NUSAP1: variants seen among roughly 807,000 people sequenced by gnomAD.
NUSAP1 encodes the protein nucleolar and spindle associated protein 1.
In NUSAP1, 32 loss-of-function variants were observed where a neutral mutation model predicts 52.8. The ratio of observed to expected loss-of-function variants is 0.61; its 90% confidence interval spans 0.46 to 0.81. NUSAP1 has a LOEUF of 0.81. NUSAP1 is among the 40% of genes least tolerant of loss of function. NUSAP1 has a pLI of 0.00. For synonymous variants in NUSAP1, 195 were observed against 183.1 expected (o/e 1.06, Z -0.52); for missense variants, 499 against 522.3 (o/e 0.96, Z 0.43).
intron 6 of NUSAP1, among the ~76,000 whole-genome samples, chr15:41,364,152 C>T (rs1479853061): frequency 6.6e-6 from 1 of 152,012 alleles, no homozygotes; most frequent in Non-Finnish European, 1.5e-5. Flanking sequence ...ATTTAATAAA[C>T]TGTATATAAC....
intron 7 of NUSAP1, among the ~76,000 whole-genome samples, chr15:41,368,728 C>CTTTTTTTTTTTTTTTTTTTTTTTTTATT (rs57501156): frequency 2.6e-5 from 2 of 77,942 alleles, no homozygotes; most frequent in African/African-American, 5.3e-5. Flanking sequence ...TTATTTTATT[C>CTTTTTTTTTTTTTTTTTTTTTTTTTATT]TTTTTTTTTT....
At chr15:41,335,441 T>C (rs2048084552) in intron 1 of NUSAP1, among the ~76,000 whole-genome samples, 1 of 140,002 alleles carries the variant, frequency 7.1e-6, no homozygotes, top group African/African-American at 2.6e-5. Flanking sequence ...ATACTATAAA[T>C]ATACTATATA....
intron 8 of NUSAP1, among the ~76,000 whole-genome samples, chr15:41,374,064 C>T (rs893651708): frequency 5.9e-5 from 9 of 152,200 alleles, no homozygotes; most frequent in African/African-American, 2.2e-4. Context: ...ATTTACAAAG[C>T]TGCTTAGCAA....
chr15:41,348,288 A>G (rs1320931426), intron 2 of NUSAP1, among the ~76,000 whole-genome samples: 1 of 152,208 alleles, frequency 6.6e-6, no homozygotes, highest in Non-Finnish European at 1.5e-5. Context: ...TGTGTTGGCC[A>G]GGCTGGTCTC....
chr15:41,378,816 C>T (rs1228553587), intron 10 of NUSAP1, among the ~76,000 whole-genome samples: 1 of 149,768 alleles, frequency 6.7e-6, no homozygotes, highest in Non-Finnish European at 1.5e-5. Context: ...CTCAAAATCA[C>T]ATAGTTTAGT....
At chr15:41,335,987 A>C (rs1051478022) in intron 1 of NUSAP1, among the ~76,000 whole-genome samples, 1 of 151,188 alleles carries the variant, frequency 6.6e-6, no homozygotes, top group Non-Finnish European at 1.5e-5. Context: ...ATGGCCGGGC[A>C]TGGTGGCTTG....
chr15:41,339,790 A>T (rs1027476687), intron 1 of NUSAP1, among the ~76,000 whole-genome samples: 27 of 148,914 alleles, frequency 1.8e-4, no homozygotes, highest in African/African-American at 6.2e-4. Context: ...CTATTTTTTT[A>T]TTTTTTTTGA....
rs577062025 is a variant in NUSAP1, at chr15:41,341,284, TA to T, written c.94-1098del. On this transcript the variant is annotated intron_variant, in intron 1 of 10. Transcript: ENST00000559596. ...TTTCACCATGTTGGCCAGGCTGGTC[TA>T]AAACCCCTGACCTCGTGATCCACCT... Among the ~76,000 whole-genome samples the T allele has an allele frequency of 1.2e-4, 18 of 152,248 alleles. No individual in the cohort carries two copies. In the South Asian group the frequency reaches 3.3e-3, roughly 28 times the overall value.
intron 1 of NUSAP1, among the ~76,000 whole-genome samples, chr15:41,333,563 A>T (rs1481434899): frequency 6.6e-6 from 1 of 152,118 alleles, no homozygotes; most frequent in Non-Finnish European, 1.5e-5. Flanking sequence ...ATTTTTATTG[A>T]TGACTGTTGG....
intron 9 of NUSAP1, 68 bp downstream of exon 9, chr15:41,375,896 C>T: frequency 9.2e-7 from 1 of 1,082,432 alleles, no homozygotes; most frequent in Non-Finnish European, 1.4e-6. Flanking sequence ...CAGTGGCTCA[C>T]ACCTACTAAA....
At chr15:41,370,035 C>A (rs1446869983) in intron 7 of NUSAP1, among the ~76,000 whole-genome samples, 2 of 151,644 alleles carry the variant, frequency 1.3e-5, no homozygotes, top group Admixed American at 6.6e-5. Flanking sequence ...CGCCACTGCA[C>A]TGCAGCCTGG....
At chr15:41,373,670 G>C (rs1056119859) in intron 8 of NUSAP1, among the ~76,000 whole-genome samples, 1 of 151,794 alleles carries the variant, frequency 6.6e-6, no homozygotes, top group East Asian at 2.0e-4. Flanking sequence ...GGTTGGTCTT[G>C]AACTCCTGAC....
At chr15:41,335,592 T>C (rs2048091247) in intron 1 of NUSAP1, among the ~76,000 whole-genome samples, 1 of 138,494 alleles carries the variant, frequency 7.2e-6, no homozygotes, top group South Asian at 2.3e-4. Context: ...ATACTATAAA[T>C]AAATATAAAT....
intron 2 of NUSAP1, among the ~76,000 whole-genome samples, chr15:41,346,897 G>T (rs745861910): frequency 6.6e-6 from 1 of 151,164 alleles, no homozygotes; most frequent in Non-Finnish European, 1.5e-5. Context: ...GTATGGCCAG[G>T]CACAGTGGCT....
chr15:41,369,652 AAAAAAGAAC>A (rs1439829760), intron 7 of NUSAP1, among the ~76,000 whole-genome samples: 1 of 152,114 alleles, frequency 6.6e-6, no homozygotes, highest in African/African-American at 2.4e-5. Context: ...TTGTCTAAAA[AAAAAAGAAC>A]ACCATGGTCA....
chr15:41,360,022 G>A (rs963301864), intron 6 of NUSAP1, among the ~76,000 whole-genome samples: 2 of 151,024 alleles, frequency 1.3e-5, no homozygotes, highest in Non-Finnish European at 2.9e-5. Flanking sequence ...GCAATGGTGC[G>A]ATCTTGCCTC....
intron 2 of NUSAP1, chr15:41,344,071 G>T (rs2048465640): frequency 6.6e-6 from 1 of 151,306 alleles, no homozygotes; most frequent in East Asian, 2.0e-4. Context: ...ACAAAAATTA[G>T]CTGGGCATGG....
chr15:41,361,105 A>G (rs1402986760), intron 6 of NUSAP1, among the ~76,000 whole-genome samples: 6 of 149,554 alleles, frequency 4.0e-5, no homozygotes, highest in Non-Finnish European at 7.4e-5. Flanking sequence ...AAAAACAAAA[A>G]AAATAGGCCA....
At chr15:41,345,028 G>A (rs1223105069) in intron 2 of NUSAP1, among the ~76,000 whole-genome samples, 1 of 151,940 alleles carries the variant, frequency 6.6e-6, no homozygotes, top group South Asian at 2.1e-4. Flanking sequence ...TTGAGACAGG[G>A]TCTCACTCTA....
Sources: gnomAD v4.1 joint callset for allele counts (sites outside exome capture counted in the v4.1 genomes callset) on GRCh38, gnomAD v4.1.1 for gene constraint, MANE v1.5 for transcripts, NCBI Gene and HGNC (gene_info 2026-07-23, HGNC 2026-07-21) for gene names.